AGBL4: variants seen among roughly 807,000 people sequenced by gnomAD.
The protein encoded by AGBL4 is cytosolic carboxypeptidase 6.
In AGBL4, 58 loss-of-function variants were observed where a neutral mutation model predicts 66.4. The observed-to-expected ratio is 0.87, with a 90% CI of 0.71 to 1.09. The LOEUF (loss-of-function observed/expected upper bound fraction) is 1.09. AGBL4 is among the 50% of genes least tolerant of loss of function. The probability of loss-of-function intolerance (pLI) is 0.00; values close to 1 mark genes in which losing one functional copy is unlikely to be tolerated. For missense variants in AGBL4, 579 were observed against 631.0 expected, an observed-to-expected ratio of 0.92 and a Z score of 0.88; for synonymous variants, 234 against 222.9, an observed-to-expected ratio of 1.05 and a Z score of -0.44.
At chr1:48,723,647 C>T (rs889971071) in intron 6 of AGBL4, among the ~76,000 whole-genome samples, 2 of 152,068 alleles carry the variant, frequency 1.3e-5, no homozygotes, top group African/African-American at 4.8e-5. Context: ...TCCTTTTCTA[C>T]GAAGAAGTAG....
At chr1:49,746,605 G>A (rs1055093910) in intron 2 of AGBL4, among the ~76,000 whole-genome samples, 2 of 152,010 alleles carry the variant, frequency 1.3e-5, no homozygotes, top group Admixed American at 1.3e-4. Flanking sequence ...CATTGTGTGG[G>A]AAGGCAGGTA....
intron 1 of AGBL4, among the ~76,000 whole-genome samples, chr1:49,961,135 G>C (rs887824116): frequency 2.6e-5 from 4 of 152,094 alleles, no homozygotes; most frequent in Admixed American, 1.3e-4. Context: ...ATATTGGAAA[G>C]ATCCATGTAG....
intron 3 of AGBL4, among the ~76,000 whole-genome samples, chr1:49,440,810 G>T (rs1391556304): frequency 6.6e-6 from 1 of 152,186 alleles, no homozygotes; most frequent in Non-Finnish European, 1.5e-5. Flanking sequence ...GCATTGATTA[G>T]AAAAGAATGG....
intron 4 of AGBL4, among the ~76,000 whole-genome samples, chr1:49,221,723 C>T (rs986188282): frequency 2.0e-5 from 3 of 151,872 alleles, no homozygotes; most frequent in African/African-American, 7.3e-5. Context: ...TTTTGTCTTA[C>T]AGTCAACACA....
At chr1:49,907,238 G>A (rs1028440745) in intron 1 of AGBL4, among the ~76,000 whole-genome samples, 2 of 152,114 alleles carry the variant, frequency 1.3e-5, no homozygotes, top group East Asian at 3.9e-4. Flanking sequence ...ATAAAGAACA[G>A]TAGCAATATC....
intron 2 of AGBL4, among the ~76,000 whole-genome samples, chr1:49,734,273 G>A (rs985959120): frequency 5.9e-5 from 9 of 151,856 alleles, no homozygotes; most frequent in African/African-American, 2.2e-4. Context: ...TAGTGCCATG[G>A]AGAGGGGAGA....
intron 11 of AGBL4, among the ~76,000 whole-genome samples, chr1:48,574,006 G>A (rs1644610160): frequency 1.3e-5 from 2 of 152,218 alleles, no homozygotes; most frequent in South Asian, 2.1e-4. Flanking sequence ...TAGCAGAACC[G>A]AGATTTGAAC....
chr1:48,939,912 A>T (rs1022871292), intron 5 of AGBL4, among the ~76,000 whole-genome samples: 3 of 152,220 alleles, frequency 2.0e-5, no homozygotes, highest in East Asian at 1.9e-4. Flanking sequence ...CACAACTAGG[A>T]GGAGGGTGCC....
intron 4 of AGBL4, among the ~76,000 whole-genome samples, chr1:49,088,179 G>A (rs552031536): frequency 2.0e-4 from 30 of 152,184 alleles, no homozygotes; most frequent in African/African-American, 6.5e-4. Context: ...ACACAATCAA[G>A]TATTCACAAT....
chr1:48,733,562 A>C (rs1174012772), intron 6 of AGBL4, among the ~76,000 whole-genome samples: 1 of 152,202 alleles, frequency 6.6e-6, no homozygotes, highest in African/African-American at 2.4e-5. Flanking sequence ...AACTCACACA[A>C]CTTGGCAGAT....
At chr1:48,819,448 G>A (rs899403912) in intron 6 of AGBL4, among the ~76,000 whole-genome samples, 9 of 152,150 alleles carry the variant, frequency 5.9e-5, no homozygotes, top group African/African-American at 2.2e-4. Context: ...AAAGTGTTAA[G>A]CAGGGTCAGG....
chr1:49,703,485 G>A (rs1244838148), intron 2 of AGBL4, among the ~76,000 whole-genome samples: 3 of 151,274 alleles, frequency 2.0e-5, no homozygotes, highest in African/African-American at 7.3e-5. Flanking sequence ...TTCAGTAGAT[G>A]CTGAAAAAAC....
At chr1:49,473,714 G>A (rs1031156983) in intron 3 of AGBL4, among the ~76,000 whole-genome samples, 2 of 152,002 alleles carry the variant, frequency 1.3e-5, no homozygotes, top group Non-Finnish European at 2.9e-5. Flanking sequence ...ATAGATCAAT[G>A]TCTAGAAGAG....
At chr1:49,317,090 G>T (rs1381718750) in intron 3 of AGBL4, among the ~76,000 whole-genome samples, 1 of 151,708 alleles carries the variant, frequency 6.6e-6, no homozygotes, top group Non-Finnish European at 1.5e-5. Flanking sequence ...ATCTATGTAT[G>T]GAGAGAAACA....
intron 13 of AGBL4, 138 bp downstream of exon 13, chr1:48,534,752 G>T: frequency 1.2e-6 from 1 of 846,976 alleles, no homozygotes; most frequent in Non-Finnish European, 1.9e-6. Flanking sequence ...CCACCAGGAA[G>T]CCTCACTGCC....
intron 2 of AGBL4, among the ~76,000 whole-genome samples, chr1:49,792,112 C>T (rs1644616330): frequency 6.6e-6 from 1 of 152,042 alleles, no homozygotes; most frequent in Non-Finnish European, 1.5e-5. Context: ...GGGTAACTTT[C>T]ATCACTTGTC....
chr1:49,606,174 C>A (rs1208207134), intron 3 of AGBL4, among the ~76,000 whole-genome samples: 1 of 152,068 alleles, frequency 6.6e-6, no homozygotes, highest in Non-Finnish European at 1.5e-5. Flanking sequence ...TTCTAGGCTA[C>A]AAAAATCCTG....
chr1:48,744,668 C>T (rs1009526216), intron 6 of AGBL4, among the ~76,000 whole-genome samples: 1 of 152,138 alleles, frequency 6.6e-6, no homozygotes, highest in Non-Finnish European at 1.5e-5. Context: ...CTCTCCCATC[C>T]ATCTCTATAA....
intron 3 of AGBL4, among the ~76,000 whole-genome samples, chr1:49,577,357 C>T (rs988047025): frequency 3.3e-5 from 5 of 152,210 alleles, no homozygotes; most frequent in African/African-American, 1.2e-4. Flanking sequence ...GGCTCAGCAA[C>T]ATGGACTTCC....
Sources: allele counts gnomAD v4.1 joint callset (sites outside exome capture counted in the v4.1 genomes callset), GRCh38; gene constraint gnomAD v4.1.1; transcripts MANE v1.5; gene names NCBI Gene and HGNC (gene_info 2026-07-23, HGNC 2026-07-21).